The following GATAD2B variants were observed in gnomAD, a reference collection of about 807,000 sequenced individuals.
GATAD2B encodes transcriptional repressor p66-beta.
Under a neutral mutation model 64.3 loss-of-function variants are expected in GATAD2B, and 8 were observed. The observed-to-expected ratio is 0.12, with a 90% CI of 0.07 to 0.22. The LOEUF is 0.22. Ranked by LOEUF, GATAD2B falls within the 10% of genes least tolerant of loss-of-function variation. The pLI is 1.00. For missense variants in GATAD2B, 453 were observed against 752.0 expected (o/e 0.60, Z 4.65); for synonymous variants, 281 against 271.3 (o/e 1.04, Z -0.35).
chr1:153,843,419 AGAG>A (rs1451178987), intron 1 of GATAD2B, among the ~76,000 whole-genome samples: 1 of 151,816 alleles, frequency 6.6e-6, no homozygotes, highest in Non-Finnish European at 1.5e-5. Context: ...CTCAGCCACT[AGAG>A]GAGAAGCGAC....
intron 1 of GATAD2B, among the ~76,000 whole-genome samples, chr1:153,914,179 G>A (rs1352967092): frequency 7.2e-6 from 1 of 138,448 alleles, no homozygotes; most frequent in Non-Finnish European, 1.5e-5. Context: ...GGAGGCGGAG[G>A]TTGCAGTGAG....
At chr1:153,898,094 A>C (rs1677654762) in intron 1 of GATAD2B, among the ~76,000 whole-genome samples, 1 of 151,740 alleles carries the variant, frequency 6.6e-6, no homozygotes, top group South Asian at 2.1e-4. Context: ...GCTTCAGTCC[A>C]GGAGTCTGAG....
At chr1:153,828,451 C>CACAT (rs1441853284) in intron 1 of GATAD2B, 103 bp from the exon 2 acceptor site, 2 of 610,696 alleles carry the variant, frequency 3.3e-6, no homozygotes, top group Admixed American at 3.2e-5. Context: ...CTCTCTCTCA[C>CACAT]ACATACACAC....
At chr1:153,909,984 G>A (rs1274999982) in intron 1 of GATAD2B, among the ~76,000 whole-genome samples, 5 of 149,880 alleles carry the variant, frequency 3.3e-5, no homozygotes, top group African/African-American at 9.8e-5. Context: ...GCATGGTGGC[G>A]CATGCCTGTA....
intron 1 of GATAD2B, among the ~76,000 whole-genome samples, chr1:153,893,795 T>A (rs1677494273): frequency 6.7e-6 from 1 of 149,926 alleles, no homozygotes. Flanking sequence ...CCATCTCTAC[T>A]GAAAATATAA....
At chr1:153,898,000 AAAAC>A (rs1485057179) in intron 1 of GATAD2B, among the ~76,000 whole-genome samples, 6 of 137,868 alleles carry the variant, frequency 4.4e-5, no homozygotes, top group African/African-American at 1.6e-4. Flanking sequence ...CAGAAAAAAA[AAAAC>A]AAAAAAAAAA....
At position 153,912,843 on chromosome 1, in the gene GATAD2B, A is replaced by G. The variant is rs1231562652; in HGVS notation, c.-2+9890T>C. Among the ~76,000 whole-genome samples the G allele has an allele frequency of 1.1e-4, 17 of 152,256 alleles. No individual in the cohort carries two copies. In the East Asian group the frequency reaches 2.9e-3, roughly 26 times the overall value. On this transcript the variant is annotated intron_variant, in intron 1 of 10. Transcript: ENST00000368655. ...CACAGTGGCTCACACCTCTAATCCC[A>G]GCACTTTGGGAGGTCGAGGCAGGCG...
chr1:153,842,584 C>T (rs1353254422), intron 1 of GATAD2B, among the ~76,000 whole-genome samples: 2 of 151,838 alleles, frequency 1.3e-5, no homozygotes, highest in East Asian at 3.9e-4. Flanking sequence ...GAAATTATCA[C>T]TTCTGTACTG....
At chr1:153,899,159 G>A (rs982247467) in intron 1 of GATAD2B, among the ~76,000 whole-genome samples, 1 of 152,210 alleles carries the variant, frequency 6.6e-6, no homozygotes, top group African/African-American at 2.4e-5. Flanking sequence ...GGGAACTGAG[G>A]CTAGAGGACT....
Position 153,813,453 on chromosome 1 carries a change from C to A in GATAD2B, c.1217-1G>T. The stretch of plus-strand genomic sequence containing the variant: ...CGCAGAAGTGAGGCACAGCTTTTGC[C>A]TAGATACCAACAAAAATAGTCAGTG... On this transcript the variant is annotated splice_acceptor_variant, in intron 7 of 10. Transcript: ENST00000368655. LOFTEE classifies it high-confidence loss of function. 6.2e-7 allele frequency: 1 copy of A among 1,610,380 alleles called. No homozygotes were observed. Among genetic ancestry groups the A allele is most frequent in the Non-Finnish European group, 8.5e-7 (1 of 1,176,618 alleles).
intron 1 of GATAD2B, among the ~76,000 whole-genome samples, chr1:153,859,310 T>A (rs1256839013): frequency 6.6e-6 from 1 of 150,858 alleles, no homozygotes; most frequent in Non-Finnish European, 1.5e-5. Context: ...TAGTCTGTAG[T>A]GAGCCATGAT....
intron 7 of GATAD2B, among the ~76,000 whole-genome samples, chr1:153,815,280 C>CAAAAAAAAAAAAAAAAAAAAAAAAAAAAA (rs1159204191): frequency 3.0e-5 from 2 of 66,630 alleles, no homozygotes; most frequent in Non-Finnish European, 5.4e-5. Context: ...CTCAAAAAAA[C>CAAAAAAAAAAAAAAAAAAAAAAAAAAAAA]AAAAAAAAAA....
rs118099307 is a variant in GATAD2B at position 153,831,455 on chromosome 1, T to A, written c.-1-3107A>T. On this transcript the variant is annotated intron_variant, in intron 1 of 10. Transcript: ENST00000368655. Reference sequence around the variant, plus strand: ...CCACCATGGCACATGTATACCTATGTAATAAACCTTCAGGTTCTGTGCATG... The same window carrying A: ...CCACCATGGCACATGTATACCTATGAAATAAACCTTCAGGTTCTGTGCATG... Among the ~76,000 whole-genome samples the A allele has an allele frequency of 3.9e-3, 598 of 152,298 alleles. 36 individuals carry two copies. The East Asian group carries it at 0.11, about 27-fold the overall frequency.
At chr1:153,864,341 G>A (rs949156144) in intron 1 of GATAD2B, among the ~76,000 whole-genome samples, 1 of 152,222 alleles carries the variant, frequency 6.6e-6, no homozygotes, top group African/African-American at 2.4e-5. Context: ...CAAAAAAACA[G>A]TATTTAGGTT....
chr1:153,885,194 T>C (rs2101943301), intron 1 of GATAD2B, among the ~76,000 whole-genome samples: 1 of 152,228 alleles, frequency 6.6e-6, no homozygotes, highest in East Asian at 1.9e-4. Flanking sequence ...GCCTTGAGCA[T>C]TTCTCAGCAC....
intron 1 of GATAD2B, among the ~76,000 whole-genome samples, chr1:153,883,701 T>A (rs1357616051): frequency 6.6e-6 from 1 of 151,630 alleles, no homozygotes; most frequent in Admixed American, 6.6e-5. Context: ...ACTGCACTGG[T>A]CTTTTTTTTT....
intron 1 of GATAD2B, among the ~76,000 whole-genome samples, chr1:153,832,226 A>G (rs1675104680): frequency 6.6e-6 from 1 of 151,772 alleles, no homozygotes; most frequent in Non-Finnish European, 1.5e-5. Flanking sequence ...AAAAAAAAAA[A>G]AGTTAGCCAA....
At chr1:153,884,919 G>C (rs972118869) in intron 1 of GATAD2B, among the ~76,000 whole-genome samples, 21 of 151,886 alleles carry the variant, frequency 1.4e-4, no homozygotes, top group African/African-American at 5.1e-4. Flanking sequence ...ACCACACCCA[G>C]CTAATTTTTG....
At chr1:153,835,642 G>A (rs1675235810) in intron 1 of GATAD2B, among the ~76,000 whole-genome samples, 1 of 152,144 alleles carries the variant, frequency 6.6e-6, no homozygotes, top group South Asian at 2.1e-4. Context: ...TTTTATTTAA[G>A]ATGTATTCAT....
Sources: gnomAD v4.1 joint callset for allele counts (sites outside exome capture counted in the v4.1 genomes callset) on GRCh38, gnomAD v4.1.1 for gene constraint, MANE v1.5 for transcripts, NCBI Gene and HGNC (gene_info 2026-07-23, HGNC 2026-07-21) for gene names.